Variants in B4GALNT3 observed in about 807,000 individuals in gnomAD.
B4GALNT3 encodes the protein beta-1,4-N-acetylgalactosaminyltransferase 3.
B4GALNT3 carries 86 observed loss-of-function variants against 120.2 expected under a neutral mutation model. The ratio of observed to expected loss-of-function variants is 0.72; its 90% CI spans 0.60 to 0.86. B4GALNT3 has a LOEUF of 0.86. Among genes scored for constraint, B4GALNT3 ranks in the 40% least tolerant of loss-of-function variants. The pLI is 0.00. For synonymous variants in B4GALNT3, 518 were observed against 510.4 expected (o/e 1.01, Z -0.20); for missense variants, 1,167 against 1,298.9 (o/e 0.90, Z 1.56).
intron 1 of B4GALNT3, among the ~76,000 whole-genome samples, chr12:512,909 TTTCCACCTTCTGCC>T (rs1203184651): frequency 3.0e-5 from 2 of 66,994 alleles, no homozygotes; most frequent in Non-Finnish European, 6.1e-5. Context: ...CGCCTTCCGC[TTTCCACCTTCTGCC>T]TTCCACCTTC....
Position 544,330 on chromosome 12 carries a change from G to A in B4GALNT3, c.352-9G>A, listed in dbSNP as rs768702913. 1.2e-5 allele frequency: 20 copies of A among 1,612,794 alleles called. No individual in the cohort carries two copies. The highest frequency in any genetic ancestry group is 6.7e-5 in the East Asian group (3 of 44,896). ...ACGCTCACTCACCACTGGCGTCTCC[G>A]CCCTGCAGTTCCGGGGCCGTGCCAA... On this transcript the variant is annotated splice_polypyrimidine_tract_variant and intron_variant, in intron 3 of 19. Transcript: ENST00000266383.
At chr12:504,342 T>C (rs1205088524) in intron 1 of B4GALNT3, among the ~76,000 whole-genome samples, 2 of 141,488 alleles carry the variant, frequency 1.4e-5, no homozygotes, top group Non-Finnish European at 3.0e-5. Flanking sequence ...TGAAATCCAA[T>C]ACTATACACC....
At chr12:502,175 AG>A (rs1946450009) in intron 1 of B4GALNT3, among the ~76,000 whole-genome samples, 1 of 151,972 alleles carries the variant, frequency 6.6e-6, no homozygotes, top group African/African-American at 2.4e-5. Context: ...GATCTGAGCT[AG>A]GCAGATTAAC....
intron 5 of B4GALNT3, 95 bp downstream of exon 5, chr12:545,067 A>G: frequency 6.6e-7 from 1 of 1,510,176 alleles, no homozygotes; most frequent in Non-Finnish European, 8.9e-7. Context: ...AGACTGGACT[A>G]ACTTCCTGTT....
intron 1 of B4GALNT3, among the ~76,000 whole-genome samples, chr12:521,345 T>TA (rs1226835233): frequency 6.6e-6 from 1 of 152,184 alleles, no homozygotes; most frequent in Non-Finnish European, 1.5e-5. Context: ...ATTTGAATCC[T>TA]AAGCAGAGAC....
intron 1 of B4GALNT3, among the ~76,000 whole-genome samples, chr12:477,560 C>T (rs796544054): frequency 1.3e-5 from 2 of 152,284 alleles, no homozygotes; most frequent in African/African-American, 4.8e-5. Context: ...TTGCACACTC[C>T]CGTCCTGAGA....
intron 1 of B4GALNT3, among the ~76,000 whole-genome samples, chr12:511,262 G>GCCTTCCA (rs1946547878): frequency 1.3e-5 from 1 of 78,504 alleles, no homozygotes; most frequent in Non-Finnish European, 2.4e-5. Context: ...TCTGCCTTCC[G>GCCTTCCA]CCTTCCACCT....
intron 1 of B4GALNT3, among the ~76,000 whole-genome samples, chr12:509,702 C>CA (rs1240647597): frequency 6.6e-6 from 1 of 152,138 alleles, no homozygotes; most frequent in Non-Finnish European, 1.5e-5. Context: ...TCCAGACTGT[C>CA]AGGAGGGATG....
chr12:466,937 G>A (rs1482619233), intron 1 of B4GALNT3, among the ~76,000 whole-genome samples: 1 of 151,748 alleles, frequency 6.6e-6, no homozygotes, highest in Non-Finnish European at 1.5e-5. Flanking sequence ...ACCTGTGTTG[G>A]GAGCACCACG....
At chr12:547,034 C>T (rs184320764) in intron 7 of B4GALNT3, among the ~76,000 whole-genome samples, 1 of 152,326 alleles carries the variant, frequency 6.6e-6, no homozygotes, top group Non-Finnish European at 1.5e-5. Context: ...GCCTGGACCC[C>T]GGACCGAGGT....
At chr12:512,435 TC>T (rs1228374748) in intron 1 of B4GALNT3, among the ~76,000 whole-genome samples, 1 of 136,062 alleles carries the variant, frequency 7.3e-6, no homozygotes, top group Non-Finnish European at 1.5e-5. Context: ...CCTTCCGCCT[TC>T]CATCTTCCTT....
In B4GALNT3 at chr12:544,891, A is replaced by G. The variant is rs762895940; in HGVS notation, c.457A>G (p.Thr153Ala). The G allele has an allele frequency of 4.3e-6, 7 of 1,613,664 alleles. No individual in the cohort carries two copies. Among genetic ancestry groups the G allele is most frequent in the Non-Finnish European group, 5.9e-6 (7 of 1,179,884 alleles). The change falls in exon 5 of 20, where the codon ACC (threonine) becomes GCC (alanine). Residue 153 changes from threonine (T) to alanine (A), a missense_variant. Thr to Ala is a moderately conservative substitution (Grantham distance 58, BLOSUM62 0). This residue lies in a region of B4GALNT3 where 983 missense variants were observed against 1,102.5 expected (regional missense o/e 0.89). Coordinates refer to ENST00000266383, the MANE Select transcript of B4GALNT3 (RefSeq NM_173593.4). ...HFPLYPHIRT[T>A]LRKLAVSPKW... ...CCCTTTCTTGGCATAGATTCGCACAACCCTGAGGAAGCTTGCTGTGTCCCC... is the reference window on the plus strand; with the variant it reads ...CCCTTTCTTGGCATAGATTCGCACAGCCCTGAGGAAGCTTGCTGTGTCCCC...
At chr12:549,251 C>A (rs531515012) in intron 9 of B4GALNT3, among the ~76,000 whole-genome samples, 28 of 152,224 alleles carry the variant, frequency 1.8e-4, no homozygotes, top group Middle Eastern at 3.4e-3. Flanking sequence ...AACTAGATCA[C>A]CTGGCTTCAA....
intron 3 of B4GALNT3, among the ~76,000 whole-genome samples, chr12:539,534 T>TA (rs561171166): frequency 0.11 from 14,922 of 136,332 alleles, 808 homozygotes; most frequent in Middle Eastern, 0.17. Flanking sequence ...GCCTTTCCTT[T>TA]AAAAAAAAAA....
intron 1 of B4GALNT3, among the ~76,000 whole-genome samples, chr12:506,053 G>C (rs1183445404): frequency 6.6e-6 from 1 of 151,936 alleles, no homozygotes; most frequent in African/African-American, 2.4e-5. Context: ...CTCTAATACA[G>C]CACAGGTACA....
intron 1 of B4GALNT3, among the ~76,000 whole-genome samples, chr12:524,324 T>C (rs756070284): frequency 6.6e-6 from 1 of 152,240 alleles, no homozygotes; most frequent in Non-Finnish European, 1.5e-5. Flanking sequence ...GTTATAATCA[T>C]CAGACCTCGC....
rs202035977 is a variant in B4GALNT3, at chr12:553,651, C to T, written c.1728C>T (p.Asp576=). 2 of 1,613,988 alleles carry T rather than the reference C, an allele frequency of 1.2e-6. No homozygotes were observed. The highest frequency in any genetic ancestry group is 2.2e-5 in the East Asian group (1 of 44,876). ...ESYIAEQRRG[D]RMRPQAPGRG... is the part of the protein sequence containing the mutation. ...ACATCGCAGAGCAGAGACGGGGTGA[C>T]AGGATGCGGCCTCAGGCCCCTGGAA... The change falls in exon 14 of 20, where the codon GAC becomes GAT. Residue 576 remains aspartate, a synonymous_variant. Coordinates refer to ENST00000266383, the MANE Select transcript of B4GALNT3 (RefSeq NM_173593.4).
In B4GALNT3 at chr12:547,092, G is replaced by C. The variant is rs553286444; in HGVS notation, c.707+379G>C. ...CGAGTCCCTTTCCCTTGCGGGGAGG[G>C]AGCGTAGCGCGGCCTCAGAGCGCCC... On this transcript the variant is annotated intron_variant, in intron 7 of 19. Coordinates refer to ENST00000266383, the MANE Select transcript of B4GALNT3 (RefSeq NM_173593.4). 1.1e-4 allele frequency among the ~76,000 whole-genome samples: 17 copies of C among 152,342 alleles called. No homozygotes were observed. In the East Asian group the frequency reaches 3.3e-3, roughly 29 times the overall value.
chr12:554,562 G>T lies in B4GALNT3; in HGVS notation c.2060+579G>T, dbSNP rs559358198. On this transcript the variant is annotated intron_variant, in intron 14 of 19. Transcript: ENST00000266383. ...TCCCAGCACTTTGGGAGGCCGAGGC[G>T]GGCGGATCACGAGGTCAGGAGATCG... is the stretch of plus-strand genomic sequence containing the variant. 2.5e-4 allele frequency among the ~76,000 whole-genome samples: 37 copies of T among 150,314 alleles called. No individual in the cohort carries two copies. In the South Asian group the frequency reaches 6.8e-3, roughly 28 times the overall value.
Sources: gnomAD v4.1 joint callset for allele counts (sites outside exome capture counted in the v4.1 genomes callset) on GRCh38, gnomAD v4.1.1 for gene constraint, gnomAD v4.1.1 regional missense constraint, MANE v1.5 for transcripts, NCBI Gene and HGNC (gene_info 2026-07-23, HGNC 2026-07-21) for gene names.